The following C12orf42 variants were observed in gnomAD, a reference collection of about 807,000 sequenced individuals.
C12orf42 encodes the protein chromosome 12 open reading frame 42, also known as uncharacterized protein C12orf42.
Under a neutral mutation model 21.6 loss-of-function variants are expected in C12orf42, and 25 were observed. The ratio of observed to expected loss-of-function variants is 1.16; its 90% CI spans 0.84 to 1.62. C12orf42 has a LOEUF of 1.62. Among genes scored for constraint, C12orf42 ranks in the 40% most tolerant of loss-of-function variants. The pLI is 0.00. For synonymous variants in C12orf42, 174 were observed against 175.0 expected (o/e 0.99, Z 0.05); for missense variants, 483 against 459.3 (o/e 1.05, Z -0.47).
At chr12:103,305,306 A>T (rs192821423) in intron 5 of C12orf42, among the ~76,000 whole-genome samples, 221 of 152,282 alleles carry the variant, frequency 1.5e-3, no homozygotes, top group African/African-American at 4.6e-3. Context: ...CAGTCTGAAC[A>T]TCAGCACCAT....
At chr12:103,420,592 C>T (rs941104763) in intron 2 of C12orf42, among the ~76,000 whole-genome samples, 3 of 152,002 alleles carry the variant, frequency 2.0e-5, no homozygotes, top group Non-Finnish European at 2.9e-5. Flanking sequence ...TGCAATGTCA[C>T]GATCTCTGCT....
the C12orf42 span, among the ~76,000 whole-genome samples, chr12:103,542,890 A>G: frequency 1.1e-4 from 17 of 152,226 alleles, no homozygotes; most frequent in African/African-American, 4.1e-4. Flanking sequence ...CAGCAGAGAA[A>G]GACACTGAGA....
At chr12:103,468,635 T>G (rs1249458314) in intron 2 of C12orf42, among the ~76,000 whole-genome samples, 1 of 152,136 alleles carries the variant, frequency 6.6e-6, no homozygotes, top group East Asian at 1.9e-4. Context: ...GACTTTAGAA[T>G]TCTCTCCCAT....
At chr12:103,470,691 T>C (rs940156615) in intron 2 of C12orf42, among the ~76,000 whole-genome samples, 5 of 152,268 alleles carry the variant, frequency 3.3e-5, no homozygotes, top group Admixed American at 2.6e-4. Context: ...TCCTTCTCTT[T>C]TGGGAACACT....
intron 4 of C12orf42, among the ~76,000 whole-genome samples, chr12:103,284,844 T>C (rs1170073460): frequency 6.6e-6 from 1 of 152,284 alleles, no homozygotes; most frequent in African/African-American, 2.4e-5. Context: ...AAGACTACTA[T>C]AATATAAGCT....
At chr12:103,192,918 C>T in the C12orf42 span, among the ~76,000 whole-genome samples, 1 of 152,104 alleles carries the variant, frequency 6.6e-6, no homozygotes, top group Non-Finnish European at 1.5e-5. Context: ...CAGAACATTC[C>T]ACTCAACAGC....
chr12:103,230,759 C>G, the C12orf42 span, among the ~76,000 whole-genome samples: 1 of 152,090 alleles, frequency 6.6e-6, no homozygotes, highest in Non-Finnish European at 1.5e-5. Flanking sequence ...TTAACTTTTA[C>G]TTTGTTGATT....
chr12:103,401,156 G>C (rs1177277666), intron 3 of C12orf42, among the ~76,000 whole-genome samples: 2 of 152,090 alleles, frequency 1.3e-5, no homozygotes, highest in Non-Finnish European at 2.9e-5. Flanking sequence ...CCAAGAAAAA[G>C]AGCGTTAGCA....
chr12:103,353,500 T>C (rs2043272410), intron 4 of C12orf42, among the ~76,000 whole-genome samples: 1 of 152,096 alleles, frequency 6.6e-6, no homozygotes, highest in Admixed American at 6.6e-5. Context: ...TGAGTTTTAT[T>C]CTTCAGGGTC....
At chr12:103,235,129 T>C (rs545176579), downstream of C12orf42, among the ~76,000 whole-genome samples, 7 of 152,316 alleles carry the variant, frequency 4.6e-5, no homozygotes, top group African/African-American at 7.2e-5. Flanking sequence ...TAGACTTCCA[T>C]AAATACTTCT....
the C12orf42 span, among the ~76,000 whole-genome samples, chr12:103,137,809 A>G: frequency 6.6e-6 from 1 of 152,150 alleles, no homozygotes; most frequent in African/African-American, 2.4e-5. Flanking sequence ...CAGATGTAGG[A>G]GTTAAATAGT....
the C12orf42 span, among the ~76,000 whole-genome samples, chr12:103,197,421 G>T: frequency 6.6e-6 from 1 of 152,172 alleles, no homozygotes; most frequent in East Asian, 1.9e-4. Flanking sequence ...ACCAGTTTGG[G>T]TCATTCATAA....
At chr12:103,432,657 T>C (rs545002421) in intron 2 of C12orf42, among the ~76,000 whole-genome samples, 3 of 152,324 alleles carry the variant, frequency 2.0e-5, no homozygotes, top group African/African-American at 7.2e-5. Flanking sequence ...GTACTTTAGG[T>C]TGTGACTACT....
the C12orf42 span, among the ~76,000 whole-genome samples, chr12:103,170,559 C>G: frequency 6.7e-6 from 1 of 149,496 alleles, no homozygotes; most frequent in African/African-American, 2.5e-5. Flanking sequence ...ACTCTGTTCT[C>G]TATATAGTAG....
the C12orf42 span, among the ~76,000 whole-genome samples, chr12:103,513,296 T>G: frequency 2.0e-5 from 3 of 152,222 alleles, no homozygotes; most frequent in East Asian, 3.9e-4. Context: ...TATAGCTCTA[T>G]TTGGCCATTT....
chr12:103,521,925 C>A, the C12orf42 span, among the ~76,000 whole-genome samples: 3 of 152,194 alleles, frequency 2.0e-5, no homozygotes, highest in Non-Finnish European at 4.4e-5. Flanking sequence ...ATTAACAGCA[C>A]AGAGTGGTGC....
the C12orf42 span, among the ~76,000 whole-genome samples, chr12:103,182,992 G>C: frequency 6.6e-6 from 1 of 152,180 alleles, no homozygotes; most frequent in Admixed American, 6.5e-5. Context: ...ATCACTACAA[G>C]GGTGCCCTTT....
At chr12:103,290,319 A>C (rs752107369) in intron 4 of C12orf42, among the ~76,000 whole-genome samples, 15 of 152,078 alleles carry the variant, frequency 9.9e-5, no homozygotes, top group Non-Finnish European at 1.9e-4. Context: ...CCTCTAGCCA[A>C]CTCCTCCATC....
chr12:103,432,858 GC>G (rs747320477), intron 2 of C12orf42, among the ~76,000 whole-genome samples: 5 of 152,156 alleles, frequency 3.3e-5, no homozygotes, highest in Admixed American at 6.5e-5. Context: ...AATCAAACCT[GC>G]CAGCACCTTG....
Sources: allele counts gnomAD v4.1 joint callset (sites outside exome capture counted in the v4.1 genomes callset), GRCh38; gene constraint gnomAD v4.1.1; transcripts MANE v1.5; gene names NCBI Gene and HGNC (gene_info 2026-07-23, HGNC 2026-07-21).